DYM: variants seen among roughly 807,000 people sequenced by gnomAD.
The protein encoded by DYM is dyggve-Melchior-Clausen syndrome protein.
A neutral mutation model predicts 93.1 loss-of-function variants in DYM; 78 were observed. That is an observed-to-expected ratio of 0.84 (90% CI 0.70 to 1.01). DYM has a LOEUF of 1.01. DYM is among the 50% of genes least tolerant of loss of function. The pLI is 0.00. For missense variants in DYM, 789 were observed against 845.0 expected, an observed-to-expected ratio of 0.93 and a Z score of 0.82; for synonymous variants, 321 against 319.7, an observed-to-expected ratio of 1.00 and a Z score of -0.04.
intron 3 of DYM, among the ~76,000 whole-genome samples, chr18:49,383,514 A>G (rs967868536): frequency 5.3e-5 from 8 of 152,218 alleles, no homozygotes; most frequent in African/African-American, 1.4e-4. Flanking sequence ...TTGGGAAACT[A>G]TATCAACTTG....
intron 14 of DYM, among the ~76,000 whole-genome samples, chr18:49,200,245 ATTTT>A (rs1019860239): frequency 6.6e-6 from 1 of 152,030 alleles, no homozygotes; most frequent in African/African-American, 2.4e-5. Flanking sequence ...AATTTGCATA[ATTTT>A]TTTAATTTGT....
At chr18:49,137,378 C>T (rs1442195801) in intron 15 of DYM, among the ~76,000 whole-genome samples, 2 of 152,184 alleles carry the variant, frequency 1.3e-5, no homozygotes, top group Non-Finnish European at 2.9e-5. Context: ...TAAATAATCA[C>T]CTCAGAGTTT....
intron 6 of DYM, among the ~76,000 whole-genome samples, chr18:49,356,392 C>T (rs909239696): frequency 3.3e-5 from 5 of 152,152 alleles, no homozygotes; most frequent in African/African-American, 1.2e-4. Context: ...GAAAATACTA[C>T]AATCTTTGAT....
At chr18:49,254,351 A>G (rs1219424989) in intron 13 of DYM, among the ~76,000 whole-genome samples, 1 of 146,148 alleles carries the variant, frequency 6.8e-6, no homozygotes, top group Non-Finnish European at 1.5e-5. Flanking sequence ...TCCTGGTCTT[A>G]TTCCTGCTAC....
At chr18:49,450,447 C>T (rs2148691040) in intron 1 of DYM, among the ~76,000 whole-genome samples, 1 of 152,298 alleles carries the variant, frequency 6.6e-6, no homozygotes, top group East Asian at 1.9e-4. Flanking sequence ...CCTTTTGTGA[C>T]ATCATTTTGG....
chr18:49,254,489 CATT>C (rs2094353303), intron 13 of DYM, among the ~76,000 whole-genome samples: 1 of 152,004 alleles, frequency 6.6e-6, no homozygotes, highest in African/African-American at 2.4e-5. Context: ...AAGCACTACT[CATT>C]ATTGATGATA....
At chr18:49,416,914 A>G (rs2073055056) in intron 2 of DYM, among the ~76,000 whole-genome samples, 1 of 152,096 alleles carries the variant, frequency 6.6e-6, no homozygotes, top group Non-Finnish European at 1.5e-5. Context: ...TCATAGTTAG[A>G]GCCCCTACAC....
Position 49,439,928 on chromosome 18 carries a change from C to A in DYM, c.-53-9481G>T, listed in dbSNP as rs191022685. ...CTGAGGCAGGAGGATCACCTGAAAT[C>A]CAGGATTTTGAAGTTGCAGTGAGCT... is the stretch of plus-strand genomic sequence containing the variant. On this transcript the variant is annotated intron_variant, in intron 1 of 17. Transcript: ENST00000675505. Among the ~76,000 whole-genome samples, 45 of 151,712 alleles carry A rather than the reference C, an allele frequency of 3.0e-4. No homozygotes were observed. The East Asian group carries it at 5.8e-3, about 20-fold the overall frequency.
intron 6 of DYM, among the ~76,000 whole-genome samples, chr18:49,334,438 T>C (rs989090189): frequency 2.0e-5 from 3 of 152,206 alleles, no homozygotes; most frequent in Admixed American, 6.5e-5. Flanking sequence ...TACTCTGTCC[T>C]CTCAAGATCA....
intron 17 of DYM, among the ~76,000 whole-genome samples, chr18:49,082,919 T>A (rs1470946214): frequency 6.6e-6 from 1 of 152,240 alleles, no homozygotes; most frequent in Non-Finnish European, 1.5e-5. Context: ...ACGTTAGCCG[T>A]AGGTTTTTTC....
At chr18:49,173,449 G>T (rs1304752873) in intron 14 of DYM, among the ~76,000 whole-genome samples, 1 of 151,892 alleles carries the variant, frequency 6.6e-6, no homozygotes, top group Non-Finnish European at 1.5e-5. Flanking sequence ...TGTTTACTTA[G>T]GTCTTCCTTA....
chr18:49,119,515 G>A (rs984127768), intron 15 of DYM, among the ~76,000 whole-genome samples: 3 of 152,192 alleles, frequency 2.0e-5, no homozygotes, highest in Non-Finnish European at 4.4e-5. Flanking sequence ...AATGGAAAGA[G>A]CAAGCACATG....
At chr18:49,213,330 C>A (rs1183346129) in intron 13 of DYM, among the ~76,000 whole-genome samples, 2 of 150,084 alleles carry the variant, frequency 1.3e-5, no homozygotes, top group Non-Finnish European at 3.0e-5. Flanking sequence ...GGAGTTTTGC[C>A]CTGTTGCCTA....
chr18:49,070,448 A>C (rs916884238), intron 17 of DYM, among the ~76,000 whole-genome samples: 5 of 152,122 alleles, frequency 3.3e-5, no homozygotes, highest in African/African-American at 1.2e-4. Context: ...CTCTCCACTT[A>C]TGTGCTTCAG....
intron 2 of DYM, among the ~76,000 whole-genome samples, chr18:49,397,621 A>G (rs554269141): frequency 2.6e-5 from 4 of 152,330 alleles, no homozygotes; most frequent in South Asian, 2.1e-4. Flanking sequence ...GGTGAAGTGC[A>G]CTTTTTAAAA....
chr18:49,102,216 A>T (rs1599754351), intron 16 of DYM, among the ~76,000 whole-genome samples: 1 of 152,234 alleles, frequency 6.6e-6, no homozygotes, highest in Non-Finnish European at 1.5e-5. Context: ...TACCATGCGC[A>T]AAGCACTTTG....
At chr18:49,239,989 G>A (rs1304523702) in intron 13 of DYM, among the ~76,000 whole-genome samples, 1 of 152,072 alleles carries the variant, frequency 6.6e-6, no homozygotes, top group Non-Finnish European at 1.5e-5. Flanking sequence ...TTTTAGAATA[G>A]AGACCATGAG....
At chr18:49,295,826 T>A (rs921074078) in intron 8 of DYM, among the ~76,000 whole-genome samples, 1 of 151,902 alleles carries the variant, frequency 6.6e-6, no homozygotes, top group East Asian at 1.9e-4. Flanking sequence ...ATTTACATGC[T>A]TTGCTAAAAA....
chr18:49,200,135 G>C (rs529790123), intron 14 of DYM, among the ~76,000 whole-genome samples: 1 of 152,160 alleles, frequency 6.6e-6, no homozygotes, highest in East Asian at 1.9e-4. Context: ...ATTGCATTAT[G>C]TTAGTAGAGG....
Sources: allele counts gnomAD v4.1 joint callset (sites outside exome capture counted in the v4.1 genomes callset), GRCh38; gene constraint gnomAD v4.1.1; transcripts MANE v1.5; gene names NCBI Gene and HGNC (gene_info 2026-07-23, HGNC 2026-07-21).